INTS1: variants seen among roughly 807,000 people sequenced by gnomAD.
INTS1 encodes the protein integrator complex subunit 1.
Under a neutral mutation model 241.6 loss-of-function variants are expected in INTS1, and 137 were observed. The ratio of observed to expected loss-of-function variants is 0.57; its 90% CI spans 0.49 to 0.65. The LOEUF (loss-of-function observed/expected upper bound fraction) is 0.65. Among genes scored for constraint, INTS1 ranks in the 30% least tolerant of loss-of-function variants. The pLI is 0.00. For missense variants in INTS1, 3,073 were observed against 3,032.2 expected (o/e 1.01, Z -0.32); for synonymous variants, 1,692 against 1,337.8 (o/e 1.26, Z -5.78).
At position 1,470,519 on chromosome 7, in the gene INTS1, C is replaced by A; in HGVS notation, c.*58G>T. On this transcript the variant is annotated 3_prime_UTR_variant, in exon 48 of 48. Coordinates refer to ENST00000404767, the MANE Select transcript of INTS1 (RefSeq NM_001080453.3). ...CGCCCACGCTTCCTGGGCTTTGCCT[C>A]GAGGATCCCCGGGGACGGGACGGGC... is the stretch of plus-strand genomic sequence containing the variant. The A allele has an allele frequency of 7.4e-7, 1 of 1,349,990 alleles. No individual in the cohort carries two copies. 83.6% of individuals were successfully genotyped at this position (1,349,990 alleles called of 1,614,324 possible). A position where few individuals can be genotyped will look rare whatever the true frequency, so the allele number is the denominator to read the frequency against.
chr7:1,495,351 T>TTG, intron 13 of INTS1, 82 bp downstream of exon 13: 1 of 1,489,850 alleles, frequency 6.7e-7, no homozygotes, highest in Non-Finnish European at 9.0e-7. Flanking sequence ...CAGTGGGGTT[T>TTG]GGGGCAGGGG....
At chr7:1,498,348 T>A in intron 10 of INTS1, 64 bp downstream of exon 10, 6 of 1,593,074 alleles carry the variant, frequency 3.8e-6, no homozygotes, top group Non-Finnish European at 5.1e-6. Context: ...AGACGCCACG[T>A]GCCCCTCCAG....
At position 1,503,945 on chromosome 7, in the gene INTS1, G is replaced by A. The variant is rs1417619580; in HGVS notation, c.16C>T (p.Pro6Ser). 1 of 1,568,482 alleles carries A rather than the reference G, an allele frequency of 6.4e-7. No individual in the cohort carries two copies. The highest frequency in any genetic ancestry group is 8.6e-7 in the Non-Finnish European group (1 of 1,157,584). Residue 6 changes from proline (P) to serine (S), a missense_variant, in exon 2 of 48, where the codon CCC becomes TCC. Coordinates refer to ENST00000404767, the MANE Select transcript of INTS1 (RefSeq NM_001080453.3). Reference protein sequence around the residue: MNRAKPTTVRRPSAAA... With the variant: MNRAKSTTVRRPSAAA... ...GCGCTGGGCCGGCGCACCGTGGTGG[G>A]CTTGGCCCGGTTCATCCTGCCCCGT...
In INTS1 at chr7:1,470,362, G is replaced by A; in HGVS notation, c.*215C>T. The A allele has an allele frequency of 3.9e-6, 2 of 506,854 alleles. No homozygotes were observed. The highest frequency in any genetic ancestry group is 5.1e-4 in the Middle Eastern group (1 of 1,960). The allele number at this position is 506,854 out of a possible 1,614,324, so 31.4% of individuals were successfully genotyped here. A position where few individuals can be genotyped will look rare whatever the true frequency, so the allele number is the denominator to read the frequency against. ...CCGCGGCAGGGCTGTGGCCCAGAAG[G>A]TGAATGAGGGCTTGCTGGACGGCCC... On this transcript the variant is annotated 3_prime_UTR_variant, in exon 48 of 48. Transcript: ENST00000404767.
rs754193756 is a variant in INTS1 at position 1,479,604 on chromosome 7, G to A, written c.4155C>T (p.Gly1385=). The A allele has an allele frequency of 6.5e-6, 10 of 1,534,342 alleles. No homozygotes were observed. Among genetic ancestry groups the A allele is most frequent in the Non-Finnish European group, 5.3e-6 (6 of 1,138,554 alleles). ...PVALALQQAL[G]QELARVVQGS... ...CCTGGACGACGCGGGCCAGCTCCTG[G>A]CCCAGGGCCTGCTGCAGGGCGAGGG... The change falls in exon 31 of 48, where the codon GGC becomes GGT. Residue 1385 remains glycine, a synonymous_variant. Coordinates refer to ENST00000404767, the MANE Select transcript of INTS1 (RefSeq NM_001080453.3).
chr7:1,478,559 G>A (rs934459430), intron 32 of INTS1, 53 bp from the exon 33 acceptor site: 21 of 1,581,014 alleles, frequency 1.3e-5, no homozygotes, highest in Non-Finnish European at 1.8e-5. Context: ...CCCCATCGGT[G>A]TATCCCATCC....
Position 1,499,025 on chromosome 7 carries a change from C to T in INTS1, c.1087G>A (p.Val363Met). 6.4e-7 allele frequency: 1 copy of T among 1,570,546 alleles called. No homozygotes were observed. Among genetic ancestry groups the T allele is most frequent in the Middle Eastern group, 2.2e-4 (1 of 4,448 alleles). The stretch of plus-strand genomic sequence containing the variant: ...AGCTTCTGCACCGCCAGCAGCCGCA[C>T]CTCCTTATAGCCGCAGGTGGAGGTG... ...LLTSTCGYKE[V>M]RLLAVQKLEM... Residue 363 changes from valine to methionine, a missense_variant, in exon 8 of 48, where the codon GTG (valine) becomes ATG (methionine). Physicochemically the swap from Val to Met is conservative, Grantham distance 21. Transcript: ENST00000404767.
rs117553696 is a variant in INTS1, at chr7:1,490,256, G to C, written c.2166-574C>G. Among the ~76,000 whole-genome samples the C allele has an allele frequency of 3.5e-4, 54 of 152,370 alleles. No homozygotes were observed. In the East Asian group the frequency reaches 8.7e-3, roughly 24 times the overall value. On this transcript the variant is annotated intron_variant, in intron 16 of 47. Transcript: ENST00000404767. ...CTCAAGTGCAGTGCGGGATTCCGAA[G>C]TGCGTCCGACCAAAACTCCAAACGC...
chr7:1,496,334 G>A (rs960326113), intron 11 of INTS1, 70 bp from the exon 12 acceptor site: 7 of 604,444 alleles, frequency 1.2e-5, no homozygotes, highest in South Asian at 6.0e-5. Context: ...CCACGTGGGC[G>A]CGGCACGGGG....
At position 1,481,250 on chromosome 7, in the gene INTS1, C is replaced by T. The variant is rs1428654061; in HGVS notation, c.3850+92G>A. 2.7e-6 allele frequency: 4 copies of T among 1,462,938 alleles called. No individual in the cohort carries two copies. The highest frequency in any genetic ancestry group is 3.8e-6 in the Non-Finnish European group (4 of 1,060,006). The allele number at this position is 1,462,938 out of a possible 1,614,324, so 90.6% of individuals were successfully genotyped here. A position where few individuals can be genotyped will look rare whatever the true frequency, so the allele number is the denominator to read the frequency against. On this transcript the variant is annotated intron_variant, in intron 28 of 47. Transcript: ENST00000404767. This position sits in a 1 kb window ranked among gnomAD's most constrained non-coding sequence, Gnocchi z 6.8. ...CCCACACCCACCCGACCTCGGATCA[C>T]CCACCCGCTCGCACCCAGGCCCCAA...
intron 3 of INTS1, among the ~76,000 whole-genome samples, chr7:1,502,117 A>C (rs1783211641): frequency 6.6e-6 from 1 of 152,188 alleles, no homozygotes; most frequent in South Asian, 2.1e-4. Flanking sequence ...AAAACTCAGT[A>C]ACCAGAGGTG....
intron 24 of INTS1, 47 bp from the exon 25 acceptor site, chr7:1,484,217 T>G: frequency 6.4e-7 from 1 of 1,567,640 alleles, no homozygotes; most frequent in Non-Finnish European, 8.7e-7. Flanking sequence ...ACAGCTCTGC[T>G]CTCCGGCCAG....
Position 1,498,688 on chromosome 7 carries a change from G to T in INTS1, c.1283+19C>A. 1 of 1,531,746 alleles carries T rather than the reference G, an allele frequency of 6.5e-7. No homozygotes were observed. 94.9% of individuals were successfully genotyped at this position (1,531,746 alleles called of 1,614,324 possible). On this transcript the variant is annotated intron_variant, in intron 9 of 47. Transcript: ENST00000404767. ...CCCACTCCACCCGCACCCCCGCTCT[G>T]CCCCGGCTCGCCACGCACCTGATGC...
At position 1,478,907 on chromosome 7, in the gene INTS1, T is replaced by G. The variant is rs563226208; in HGVS notation, c.4330-22A>C. ...AGCGCTGCGGGGACAAAGTGGCACG[T>G]GGCTACCCTGGCAGAGGACACACGG... On this transcript the variant is annotated intron_variant, in intron 31 of 47. Transcript: ENST00000404767. 6.9e-6 allele frequency: 11 copies of G among 1,582,892 alleles called. No homozygotes were observed. In the South Asian group the frequency reaches 1.2e-4, roughly 18 times the overall value.
rs763893428 is a variant in INTS1, at chr7:1,498,803, T to C, written c.1187A>G (p.Asn396Ser). 5.0e-6 allele frequency: 8 copies of C among 1,604,574 alleles called. No homozygotes were observed. The South Asian group carries it at 6.8e-5, about 14-fold the overall frequency. The part of the protein sequence containing the change: ...DLLMSVCMNC[N>S]THGSEDMDVI... ...GTCCATGTCTTCGGAACCGTGCGTGTTGCAGTTCATGCAGACGGACATCAG... is the reference window on the plus strand; with the variant it reads ...GTCCATGTCTTCGGAACCGTGCGTGCTGCAGTTCATGCAGACGGACATCAG... Residue 396 changes from asparagine (N) to serine (S), a missense_variant, in exon 9 of 48, where the codon AAC becomes AGC. Physicochemically the swap from Asn to Ser is conservative, Grantham distance 46 (BLOSUM62 1). Transcript: ENST00000404767.
rs1447679631 is a variant in INTS1 at position 1,470,510 on chromosome 7, G to T, written c.*67C>A. ...GACCAGCAACGCCCACGCTTCCTGG[G>T]CTTTGCCTCGAGGATCCCCGGGGAC... On this transcript the variant is annotated 3_prime_UTR_variant, in exon 48 of 48. Coordinates refer to ENST00000404767, the MANE Select transcript of INTS1 (RefSeq NM_001080453.3). 3.1e-6 allele frequency: 4 copies of T among 1,273,584 alleles called. No individual in the cohort carries two copies. In the African/African-American group the frequency reaches 4.5e-5, roughly 14 times the overall value. 78.9% of individuals were successfully genotyped at this position (1,273,584 alleles called of 1,614,324 possible).
At position 1,499,202 on chromosome 7, in the gene INTS1, C is replaced by T. The variant is rs762444034; in HGVS notation, c.951-41G>A. 15 of 1,603,590 alleles carry T rather than the reference C, an allele frequency of 9.4e-6. No homozygotes were observed. In the African/African-American group the frequency reaches 9.4e-5, roughly 10 times the overall value. ...GAGCGAGGAGGGAGGAAGGTGGCCCCGAGGCGCCCGCCCCCGCCGCCCCCA... is the reference window on the plus strand; with the variant it reads ...GAGCGAGGAGGGAGGAAGGTGGCCCTGAGGCGCCCGCCCCCGCCGCCCCCA... On this transcript the variant is annotated intron_variant, in intron 7 of 47. Transcript: ENST00000404767.
intron 16 of INTS1, among the ~76,000 whole-genome samples, chr7:1,491,269 C>T (rs1415870300): frequency 6.6e-6 from 1 of 152,246 alleles, no homozygotes; most frequent in Non-Finnish European, 1.5e-5. Flanking sequence ...CGTGGGTCCA[C>T]AGGACGGAAG....
chr7:1,486,237 A>C (rs1282543989), intron 22 of INTS1, among the ~76,000 whole-genome samples: 1 of 146,072 alleles, frequency 6.8e-6, no homozygotes, highest in African/African-American at 2.5e-5. Flanking sequence ...CCCCAGGCCT[A>C]CTCATTTTAC....
Sources: gnomAD v4.1 joint callset for allele counts (sites outside exome capture counted in the v4.1 genomes callset) on GRCh38, gnomAD v4.1.1 for gene constraint, Gnocchi (gnomAD v3.1) non-coding constraint, MANE v1.5 for transcripts, NCBI Gene and HGNC (gene_info 2026-07-23, HGNC 2026-07-21) for gene names.